The following PREP variants were observed in gnomAD, a reference collection of about 807,000 sequenced individuals.
PREP encodes prolyl endopeptidase, also known as dJ355L5.1 (prolyl endopeptidase).
In PREP, 29 loss-of-function variants were observed where a neutral mutation model predicts 87.6. That is an observed-to-expected ratio of 0.33 (90% confidence interval 0.25 to 0.45). The LOEUF (loss-of-function observed/expected upper bound fraction) is 0.45. PREP is among the 20% of genes least tolerant of loss of function. The probability of loss-of-function intolerance (pLI) is 1.00; values close to 1 mark genes in which losing one functional copy is unlikely to be tolerated. For synonymous variants in PREP, 337 were observed against 328.6 expected (o/e 1.03, Z -0.28); for missense variants, 695 against 886.5 (o/e 0.78, Z 2.74).
At chr6:105,302,723 G>T in intron 10 of PREP, 1 of 512,018 alleles carries the variant, frequency 2.0e-6, no homozygotes, top group Non-Finnish European at 3.8e-6. Context: ...CCTGTCAGTG[G>T]CGATGCGCAG....
At chr6:105,355,810 C>T (rs1010692754) in intron 6 of PREP, among the ~76,000 whole-genome samples, 28 of 152,096 alleles carry the variant, frequency 1.8e-4, no homozygotes, top group Non-Finnish European at 2.9e-5. Context: ...TTTTGATTGT[C>T]CTGTCTTCAA....
intron 10 of PREP, chr6:105,322,138 G>T: frequency 3.9e-6 from 1 of 255,008 alleles, no homozygotes; most frequent in Non-Finnish European, 6.1e-6. Context: ...TAGAAAATTG[G>T]TATAGGATGA....
intron 7 of PREP, among the ~76,000 whole-genome samples, chr6:105,346,249 G>A (rs1328877161): frequency 2.6e-5 from 4 of 151,994 alleles, no homozygotes; most frequent in Non-Finnish European, 5.9e-5. Flanking sequence ...TCCACTCTAC[G>A]CCCAAAGAAT....
intron 7 of PREP, among the ~76,000 whole-genome samples, chr6:105,346,346 T>C (rs1390845262): frequency 6.6e-6 from 1 of 152,252 alleles, no homozygotes; most frequent in Admixed American, 6.5e-5. Context: ...GATGGTGAAA[T>C]GACCAATCTA....
chr6:105,376,454 T>C (rs1772689442), intron 3 of PREP, among the ~76,000 whole-genome samples, 199 bp from the exon 4 acceptor site: 2 of 152,210 alleles, frequency 1.3e-5, no homozygotes, highest in South Asian at 2.1e-4. Context: ...CAGAATTGCT[T>C]CCATATTCAA....
rs927955938 is a variant in PREP at position 105,275,326 on chromosome 6, T to C, written c.*2818A>G. On this transcript the variant is annotated 3_prime_UTR_variant, in exon 15 of 15. Transcript: ENST00000652536. ...TCAAACTTGTAGCACCATGTGTGTG[T>C]AGCTGCTTAAGCTTTAGTGGGAGTA... 1.1e-4 allele frequency among the ~76,000 whole-genome samples: 16 copies of C among 152,252 alleles called. No homozygotes were observed. The highest frequency in any genetic ancestry group is 2.6e-4 in the Admixed American group (4 of 15,286).
intron 5 of PREP, among the ~76,000 whole-genome samples, chr6:105,371,884 T>A (rs992495293): frequency 1.3e-5 from 2 of 152,200 alleles, no homozygotes; most frequent in Non-Finnish European, 2.9e-5. Flanking sequence ...AAATAATAAC[T>A]TTTGTTTTTT....
intron 12 of PREP, among the ~76,000 whole-genome samples, chr6:105,283,475 A>C (rs1246973739): frequency 6.6e-6 from 1 of 152,252 alleles, no homozygotes. Flanking sequence ...GCTGAAATTT[A>C]ATTAAAGATA....
rs1769904191 is a variant in PREP, at chr6:105,274,889, T to C, written c.*3255A>G. On this transcript the variant is annotated 3_prime_UTR_variant, in exon 15 of 15. Coordinates refer to ENST00000652536, the MANE Select transcript of PREP (RefSeq NM_002726.5). ...AAAAGGTATTATGTGCTTCCTAAGG[T>C]TGTGTGAGGACAAACATTCATCCAC... Among the ~76,000 whole-genome samples, 1 of 152,118 alleles carries C rather than the reference T, an allele frequency of 6.6e-6. No individual in the cohort carries two copies. The highest frequency in any genetic ancestry group is 2.4e-5 in the African/African-American group (1 of 41,414).
intron 11 of PREP, among the ~76,000 whole-genome samples, chr6:105,287,552 T>C (rs143597460): frequency 4.7e-4 from 71 of 152,368 alleles, no homozygotes; most frequent in African/African-American, 1.6e-3. Context: ...TCATATTTCA[T>C]ACTTCATTAA....
intron 10 of PREP, among the ~76,000 whole-genome samples, chr6:105,295,520 T>C (rs1770391391): frequency 6.6e-6 from 1 of 152,118 alleles, no homozygotes; most frequent in Non-Finnish European, 1.5e-5. Flanking sequence ...TACCCCATAC[T>C]CACAGCTCAC....
chr6:105,344,904 C>T, intron 7 of PREP, among the ~76,000 whole-genome samples: 1 of 152,204 alleles, frequency 6.6e-6, no homozygotes, highest in Non-Finnish European at 1.5e-5. Flanking sequence ...TATTGTCTGC[C>T]ACCAAATTCT....
chr6:105,316,114 C>T (rs1315579067), intron 10 of PREP, among the ~76,000 whole-genome samples: 2 of 152,202 alleles, frequency 1.3e-5, no homozygotes, highest in African/African-American at 4.8e-5. Flanking sequence ...GCAAGAGGCA[C>T]CTATAGCTTT....
intron 7 of PREP, among the ~76,000 whole-genome samples, chr6:105,345,865 C>T (rs189447270): frequency 1.9e-4 from 29 of 152,294 alleles, no homozygotes; most frequent in Admixed American, 1.5e-3. Flanking sequence ...GAGAGGCCTA[C>T]ATTTGTAGCT....
intron 6 of PREP, among the ~76,000 whole-genome samples, chr6:105,361,866 T>C (rs1006662587): frequency 1.3e-5 from 2 of 152,176 alleles, no homozygotes; most frequent in Non-Finnish European, 2.9e-5. Context: ...TAAGGGGCAA[T>C]GCCAGTAACA....
chr6:105,285,406 G>T, intron 12 of PREP, 80 bp downstream of exon 12: 1 of 1,419,138 alleles, frequency 7.0e-7, no homozygotes, highest in Non-Finnish European at 9.9e-7. Context: ...AACCCCTTCA[G>T]CTCATTCAAA....
At chr6:105,348,193 T>A (rs570960204) in intron 7 of PREP, among the ~76,000 whole-genome samples, 1 of 151,002 alleles carries the variant, frequency 6.6e-6, no homozygotes, top group Non-Finnish European at 1.5e-5. Flanking sequence ...TCACACAATA[T>A]AAAGGAATGA....
chr6:105,348,463 C>T (rs1158069971), intron 7 of PREP, among the ~76,000 whole-genome samples: 1 of 152,136 alleles, frequency 6.6e-6, no homozygotes, highest in Non-Finnish European at 1.5e-5. Flanking sequence ...ACAAGACAGG[C>T]AACATCTCTA....
At chr6:105,388,063 T>C (rs1421013191) in intron 2 of PREP, among the ~76,000 whole-genome samples, 3 of 152,124 alleles carry the variant, frequency 2.0e-5, no homozygotes, top group Non-Finnish European at 4.4e-5. Flanking sequence ...GCATGTGGCA[T>C]TGGGGTAGCC....
Sources: gnomAD v4.1 joint callset for allele counts (sites outside exome capture counted in the v4.1 genomes callset) on GRCh38, gnomAD v4.1.1 for gene constraint, MANE v1.5 for transcripts, NCBI Gene and HGNC (gene_info 2026-07-23, HGNC 2026-07-21) for gene names.